PRLR: variants seen among roughly 807,000 people sequenced by gnomAD.
PRLR encodes the protein hPRL receptor.
A neutral mutation model predicts 40.2 loss-of-function variants in PRLR; 13 were observed. The ratio of observed to expected loss-of-function variants is 0.32; its 90% CI spans 0.21 to 0.51. The LOEUF (loss-of-function observed/expected upper bound fraction) is 0.51. Ranked by LOEUF, PRLR falls within the 20% of genes least tolerant of loss-of-function variation. PRLR has a pLI of 0.97. For synonymous variants in PRLR, 269 were observed against 278.7 expected, an observed-to-expected ratio of 0.97 and a Z score of 0.35; for missense variants, 656 against 747.3, an observed-to-expected ratio of 0.88 and a Z score of 1.42.
intron 1 of PRLR, among the ~76,000 whole-genome samples, chr5:35,139,724 A>G (rs1307727352): frequency 6.6e-6 from 1 of 152,202 alleles, no homozygotes; most frequent in Non-Finnish European, 1.5e-5. Context: ...AGGTGTTTTA[A>G]TGGAAATGAT....
chr5:35,203,018 T>C (rs998838227), intron 1 of PRLR, among the ~76,000 whole-genome samples: 2 of 152,166 alleles, frequency 1.3e-5, no homozygotes, highest in African/African-American at 4.8e-5. Context: ...TTAGACAGGT[T>C]GTAAATCCCT....
At chr5:35,212,512 C>T (rs1435864491) in intron 1 of PRLR, among the ~76,000 whole-genome samples, 1 of 152,208 alleles carries the variant, frequency 6.6e-6, no homozygotes, top group East Asian at 1.9e-4. Context: ...CAGTGCTTTA[C>T]TCAGAAAGAA....
chr5:35,154,312 G>C (rs1774424611), intron 1 of PRLR, among the ~76,000 whole-genome samples: 1 of 152,120 alleles, frequency 6.6e-6, no homozygotes. Context: ...AGAAACTCTT[G>C]GAGGCTCTGA....
At chr5:35,200,713 T>G (rs1321573768) in intron 1 of PRLR, among the ~76,000 whole-genome samples, 1 of 152,106 alleles carries the variant, frequency 6.6e-6, no homozygotes, top group Non-Finnish European at 1.5e-5. Context: ...TACCATGTCT[T>G]TATATAGGGC....
intron 6 of PRLR, among the ~76,000 whole-genome samples, chr5:35,072,319 G>C (rs186851627): frequency 6.6e-6 from 1 of 152,170 alleles, no homozygotes; most frequent in East Asian, 1.9e-4. Context: ...GATCTAAAAT[G>C]TACTAAGGGA....
intron 1 of PRLR, among the ~76,000 whole-genome samples, chr5:35,120,380 C>A (rs1773247991): frequency 6.6e-6 from 1 of 152,162 alleles, no homozygotes; most frequent in Admixed American, 6.5e-5. Context: ...CTTCAAAATC[C>A]TAGCTGCGCG....
intron 1 of PRLR, among the ~76,000 whole-genome samples, chr5:35,198,516 C>T (rs896710704): frequency 3.3e-5 from 5 of 151,894 alleles, no homozygotes; most frequent in African/African-American, 4.8e-5. Flanking sequence ...TTCTCTTTGC[C>T]TCTCTCTTTC....
At chr5:35,170,162 G>A (rs187201751) in intron 1 of PRLR, among the ~76,000 whole-genome samples, 261 of 152,236 alleles carry the variant, frequency 1.7e-3, no homozygotes, top group Non-Finnish European at 3.1e-3. Context: ...AAATTGAAAT[G>A]GTAAAATAGA....
intron 8 of PRLR, chr5:35,049,509 A>G (rs1278619287): frequency 2.4e-5 from 15 of 627,254 alleles, no homozygotes; most frequent in Non-Finnish European, 4.0e-5. Context: ...TATTCGGATT[A>G]CCATAACATA....
downstream of PRLR, among the ~76,000 whole-genome samples, chr5:35,053,197 G>C (rs1420242500): frequency 6.6e-6 from 1 of 152,162 alleles, no homozygotes; most frequent in Non-Finnish European, 1.5e-5. Context: ...CAATAAAATA[G>C]ATCAAGAAAG....
intron 1 of PRLR, among the ~76,000 whole-genome samples, chr5:35,189,954 A>G (rs1775556579): frequency 6.6e-6 from 1 of 152,182 alleles, no homozygotes; most frequent in South Asian, 2.1e-4. Flanking sequence ...TTCCCAGTCC[A>G]GGGTTTTCCT....
intron 2 of PRLR, among the ~76,000 whole-genome samples, chr5:35,092,588 C>G (rs1303476589): frequency 2.0e-5 from 3 of 152,116 alleles, no homozygotes; most frequent in Non-Finnish European, 4.4e-5. Flanking sequence ...CTGCATTGCA[C>G]TCAAGATCTT....
downstream of PRLR, chr5:35,055,654 C>T (rs561922033): frequency 1.1e-4 from 16 of 152,186 alleles, no homozygotes; most frequent in African/African-American, 3.6e-4. Flanking sequence ...TTAAATTTTT[C>T]ATGTAATGCA....
At chr5:35,090,010 G>C (rs779362717) in intron 2 of PRLR, among the ~76,000 whole-genome samples, 4 of 152,150 alleles carry the variant, frequency 2.6e-5, no homozygotes, top group Non-Finnish European at 5.9e-5. Context: ...ATGTAACATA[G>C]ATTGTATGTC....
At chr5:35,124,946 G>C (rs1464465211) in intron 1 of PRLR, among the ~76,000 whole-genome samples, 1 of 152,216 alleles carries the variant, frequency 6.6e-6, no homozygotes, top group African/African-American at 2.4e-5. Context: ...CTTTGTAACA[G>C]TGAAACACTC....
At chr5:35,148,648 G>A (rs1774254431) in intron 1 of PRLR, among the ~76,000 whole-genome samples, 1 of 152,156 alleles carries the variant, frequency 6.6e-6, no homozygotes, top group South Asian at 2.1e-4. Flanking sequence ...TTCAATAACT[G>A]TAGATGAGCA....
intron 1 of PRLR, among the ~76,000 whole-genome samples, chr5:35,178,731 G>T (rs1775213321): frequency 1.3e-5 from 2 of 152,110 alleles, no homozygotes; most frequent in Admixed American, 1.3e-4. Context: ...AACCTTTTTA[G>T]AAATACCATA....
intron 1 of PRLR, among the ~76,000 whole-genome samples, chr5:35,143,239 G>T (rs1774074430): frequency 6.6e-6 from 1 of 152,184 alleles, no homozygotes; most frequent in South Asian, 2.1e-4. Context: ...ATTGCAGTAT[G>T]AAGACGACTA....
intron 1 of PRLR, among the ~76,000 whole-genome samples, chr5:35,216,358 A>C (rs1311581607): frequency 6.6e-6 from 1 of 152,140 alleles, no homozygotes; most frequent in Non-Finnish European, 1.5e-5. Flanking sequence ...TGGAGGAGGA[A>C]GGGGTCTGAC....
Sources: gnomAD v4.1 joint callset for allele counts (sites outside exome capture counted in the v4.1 genomes callset) on GRCh38, gnomAD v4.1.1 for gene constraint, MANE v1.5 for transcripts, NCBI Gene and HGNC (gene_info 2026-07-23, HGNC 2026-07-21) for gene names.